SLF2: variants seen among roughly 807,000 people sequenced by gnomAD.
SLF2 encodes SMC5/6 complex localization factor 2, also known as SMC5-SMC6 complex localization factor protein 2.
In SLF2, 68 loss-of-function variants were observed where a neutral mutation model predicts 124.3. The ratio of observed to expected loss-of-function variants is 0.55; its 90% CI spans 0.45 to 0.67. SLF2 has a LOEUF of 0.67. Among genes scored for constraint, SLF2 ranks in the 30% least tolerant of loss-of-function variants. The pLI is 0.00. For missense variants in SLF2, 1,246 were observed against 1,373.7 expected, an observed-to-expected ratio of 0.91 and a Z score of 1.47; for synonymous variants, 480 against 478.8, an observed-to-expected ratio of 1.00 and a Z score of -0.03.
chr10:100,930,961 A>T lies in SLF2; in HGVS notation c.2334-15A>T. The T allele has an allele frequency of 6.2e-7, 1 of 1,602,758 alleles. No homozygotes were observed. Among genetic ancestry groups the T allele is most frequent in the Non-Finnish European group, 8.5e-7 (1 of 1,170,224 alleles). On this transcript the variant is annotated splice_polypyrimidine_tract_variant and intron_variant, in intron 8 of 19. Transcript: ENST00000238961. ...TGAAGTTAATAGCCATGTTGATTTT[A>T]CTTTATTTTTTCAGATCGGGAAAAA...
In SLF2 at chr10:100,963,241, C is replaced by T. The variant is rs1850456828; in HGVS notation, c.*1329C>T. On this transcript the variant is annotated 3_prime_UTR_variant, in exon 20 of 20. Transcript: ENST00000238961. ...GGCAAGAAAATAAAATAACTTTCTA[C>T]CTCTAAATTGAGGCTTAGGAGTAAA... is the stretch of plus-strand genomic sequence containing the variant. The T allele has an allele frequency of 6.6e-6, 1 of 152,506 alleles. No individual in the cohort carries two copies. Among genetic ancestry groups the T allele is most frequent in the African/African-American group, 2.4e-5 (1 of 41,396 alleles). The allele number at this position is 152,506 out of a possible 1,614,324, so 9.4% of individuals were successfully genotyped here. A position where few individuals can be genotyped will look rare whatever the true frequency, so the allele number is the denominator to read the frequency against.
At chr10:100,932,054 C>T (rs1305860007) in intron 9 of SLF2, among the ~76,000 whole-genome samples, 1 of 151,866 alleles carries the variant, frequency 6.6e-6, no homozygotes, top group Non-Finnish European at 1.5e-5. Flanking sequence ...ATAAAAGCTT[C>T]TGTATCAACA....
At chr10:100,937,634 A>G (rs1426795508) in intron 10 of SLF2, among the ~76,000 whole-genome samples, 157 bp downstream of exon 10, 3 of 151,868 alleles carry the variant, frequency 2.0e-5, no homozygotes, top group Non-Finnish European at 2.9e-5. Flanking sequence ...TTTTTGAGAC[A>G]GAATCTTGCT....
chr10:100,919,235 TCTC>T (rs1479831049), intron 4 of SLF2, among the ~76,000 whole-genome samples: 1 of 151,920 alleles, frequency 6.6e-6, no homozygotes, highest in Non-Finnish European at 1.5e-5. Flanking sequence ...ATGGTCTCGA[TCTC>T]CTGACCTCGT....
At chr10:100,944,155 T>C in intron 12 of SLF2, 27 bp downstream of exon 12, 1 of 1,439,564 alleles carries the variant, frequency 6.9e-7, no homozygotes, top group South Asian at 1.2e-5. Context: ...ATGTGTCTTC[T>C]GCTCAGAGCT....
intron 10 of SLF2, among the ~76,000 whole-genome samples, chr10:100,937,951 C>T (rs1849898142): frequency 6.6e-6 from 1 of 152,066 alleles, no homozygotes; most frequent in Non-Finnish European, 1.5e-5. Context: ...AGTTAAACAA[C>T]GAGTATCTGA....
intron 4 of SLF2, among the ~76,000 whole-genome samples, chr10:100,919,230 C>T (rs1849481806): frequency 6.6e-6 from 1 of 151,954 alleles, no homozygotes; most frequent in African/African-American, 2.4e-5. Flanking sequence ...CCAGGATGGT[C>T]TCGATCTCCT....
chr10:100,947,215 T>G, intron 14 of SLF2, 79 bp downstream of exon 14: 1 of 813,654 alleles, frequency 1.2e-6, no homozygotes, highest in Admixed American at 2.8e-5. Context: ...TTTATTTCCA[T>G]TCATCATTCT....
chr10:100,952,503 C>G (rs909230884), intron 17 of SLF2, among the ~76,000 whole-genome samples: 3 of 146,344 alleles, frequency 2.0e-5, no homozygotes, highest in Non-Finnish European at 3.0e-5. Flanking sequence ...GCTGAGATCA[C>G]ACCACTATAC....
chr10:100,918,323 A>AG, intron 3 of SLF2, 61 bp from the exon 4 acceptor site: 1 of 1,050,118 alleles, frequency 9.5e-7, no homozygotes, highest in Non-Finnish European at 1.4e-6. Context: ...GTTAGGAAGA[A>AG]TGCCTTCACA....
Position 100,924,473 on chromosome 10 carries a change from C to G in SLF2, c.1472C>G (p.Ala491Gly). The change falls in exon 5 of 20, where the codon GCT (alanine) becomes GGT (glycine). Residue 491 changes from alanine to glycine, a missense_variant. Transcript: ENST00000238961. ...GGTTCCTCTCTAGTACCATTAAATGCTAAAAATTGTGCTCTTCCAGTTTCT... is the reference window on the plus strand; with the variant it reads ...GGTTCCTCTCTAGTACCATTAAATGGTAAAAATTGTGCTCTTCCAGTTTCT... ...SAGSSLVPLN[A>G]KNCALPVSKK... 1 of 1,614,132 alleles carries G rather than the reference C, an allele frequency of 6.2e-7. No homozygotes were observed. Among genetic ancestry groups the G allele is most frequent in the Non-Finnish European group, 8.5e-7 (1 of 1,180,022 alleles).
chr10:100,925,976 A>C lies in SLF2; in HGVS notation c.1999A>C (p.Asn667His). 6.2e-7 allele frequency: 1 copy of C among 1,608,366 alleles called. No homozygotes were observed. The highest frequency in any genetic ancestry group is 8.5e-7 in the Non-Finnish European group (1 of 1,176,888). ...TGHVHPGTYT[N>H]TLERLVKEME... ...ACATGTTCATCCTGGAACTTACACA[A>C]ATACCTTAGAACGTCTAGTGAAGGA... Residue 667 changes from asparagine to histidine, a missense_variant, in exon 6 of 20, where the codon AAT becomes CAT. Physicochemically the swap from Asn to His is moderately conservative, Grantham distance 68 (BLOSUM62 1). Transcript: ENST00000238961.
At chr10:100,952,403 T>A (rs1850233998) in intron 17 of SLF2, among the ~76,000 whole-genome samples, 1 of 147,938 alleles carries the variant, frequency 6.8e-6, no homozygotes, top group Admixed American at 6.8e-5. Context: ...AAAAATTAGC[T>A]GGGCATGGTG....
chr10:100,913,296 G>C (rs377040112), intron 1 of SLF2, 46 bp downstream of exon 1: 21 of 1,482,812 alleles, frequency 1.4e-5, no homozygotes, highest in Non-Finnish European at 1.9e-5. Flanking sequence ...CGGGGGCAAG[G>C]GTATGAGGGG....
rs1564772689 is a variant in SLF2, at chr10:100,924,917, C to T, written c.1916C>T (p.Thr639Ile). ...ALNFNQTPAA[T>I]GKPPALSKGL... ...AACTTCAATCAGACTCCTGCAGCTA[C>T]AGGAAAGCCTCCTGCTCTTTCCAAG... Residue 639 changes from threonine (T) to isoleucine (I), a missense_variant, in exon 5 of 20, where the codon ACA becomes ATA. Transcript: ENST00000238961. 1 of 1,614,112 alleles carries T rather than the reference C, an allele frequency of 6.2e-7. No individual in the cohort carries two copies. The highest frequency in any genetic ancestry group is 8.5e-7 in the Non-Finnish European group (1 of 1,180,030).
chr10:100,925,865 T>C, intron 5 of SLF2, 84 bp from the exon 6 acceptor site: 1 of 1,292,464 alleles, frequency 7.7e-7, no homozygotes, highest in Non-Finnish European at 1.1e-6. Flanking sequence ...TAGAAAATAG[T>C]CTTTCGTACC....
chr10:100,913,024 G>T lies in SLF2; in HGVS notation c.-87G>T. On this transcript the variant is annotated 5_prime_UTR_variant, in exon 1 of 20. Coordinates refer to ENST00000238961, the MANE Select transcript of SLF2 (RefSeq NM_018121.4). ...GGTGCCGCCCACCTCTGCTCCGACA[G>T]CCTCCCGGAGTCCCAGCAGCAAGAC... The T allele has an allele frequency of 6.8e-7, 1 of 1,467,244 alleles. No homozygotes were observed. The highest frequency in any genetic ancestry group is 9.3e-7 in the Non-Finnish European group (1 of 1,071,998). The allele number at this position is 1,467,244 out of a possible 1,614,324, so 90.9% of individuals were successfully genotyped here.
chr10:100,928,079 C>CAGAGAGAGAGAG (rs71013474), intron 6 of SLF2, among the ~76,000 whole-genome samples: 130 of 113,088 alleles, frequency 1.1e-3, no homozygotes, highest in African/African-American at 4.0e-3. Context: ...GAGAGAGAGA[C>CAGAGAGAGAGAG]AGAGAGAGAG....
chr10:100,950,414 G>A (rs146913749), intron 16 of SLF2, among the ~76,000 whole-genome samples: 189 of 152,336 alleles, frequency 1.2e-3, no homozygotes, highest in Non-Finnish European at 1.8e-3. Context: ...GTAAAAGGAT[G>A]ATTGTTGGTA....
Sources: allele counts gnomAD v4.1 joint callset (sites outside exome capture counted in the v4.1 genomes callset), GRCh38; gene constraint gnomAD v4.1.1; transcripts MANE v1.5; gene names NCBI Gene and HGNC (gene_info 2026-07-23, HGNC 2026-07-21).